Variants in AGAP1 observed in about 807,000 individuals in gnomAD.
The protein encoded by AGAP1 is ArfGAP with GTPase domain, ankyrin repeat and PH domain 1, also known as arf-GAP with GTPase, ANK repeat and PH domain-containing protein 1.
Under a neutral mutation model 105.3 loss-of-function variants are expected in AGAP1, and 29 were observed. The ratio of observed to expected loss-of-function variants is 0.28; its 90% CI spans 0.21 to 0.38. AGAP1 has a LOEUF of 0.38. AGAP1 is among the 10% of genes least tolerant of loss of function. AGAP1 has a pLI of 1.00. For missense variants in AGAP1, 998 were observed against 1,165.1 expected (o/e 0.86, Z 2.09); for synonymous variants, 509 against 485.9 (o/e 1.05, Z -0.63).
At position 236,001,206 on chromosome 2, in the gene AGAP1, G is replaced by C. The variant is rs2056106360; in HGVS notation, c.1645+32583G>C. Among the ~76,000 whole-genome samples the C allele has an allele frequency of 1.3e-5, 2 of 152,212 alleles. No individual in the cohort carries two copies. The stretch of plus-strand genomic sequence containing the variant: ...AATGCTGAGATAAACGCCACCATCA[G>C]AAACCAAGAGAAAGGAAAGGGACAG... On this transcript the variant is annotated intron_variant, in intron 13 of 17. Transcript: ENST00000304032. This position sits in a 1 kb window ranked among gnomAD's most constrained non-coding sequence, Gnocchi z 4.7.
rs1415454621 is a variant in AGAP1, at chr2:235,621,871, G to A, written c.164-87308G>A. ...TCTGCAGTTGGGTAGGAGTGGAGGA[G>A]GGGTGCGATCGGAAGGGAGTGCCGC... On this transcript the variant is annotated intron_variant, in intron 1 of 17. Coordinates refer to ENST00000304032, the MANE Select transcript of AGAP1 (RefSeq NM_001037131.3). This position sits in a 1 kb window ranked among gnomAD's most constrained non-coding sequence, Gnocchi z 4.1. Among the ~76,000 whole-genome samples the A allele has an allele frequency of 6.6e-6, 1 of 151,426 alleles. No individual in the cohort carries two copies. Among genetic ancestry groups the A allele is most frequent in the Non-Finnish European group, 1.5e-5 (1 of 67,876 alleles).
intron 1 of AGAP1, among the ~76,000 whole-genome samples, chr2:235,686,624 T>TATATATATATATATATATATAGATAG: frequency 3.0e-5 from 1 of 33,324 alleles, no homozygotes; most frequent in Non-Finnish European, 5.9e-5. Flanking sequence ...GATATAGATA[T>TATATATATATATATATATATAGATAG]ATATATATAT....
intron 1 of AGAP1, among the ~76,000 whole-genome samples, chr2:235,661,129 T>C (rs921506828): frequency 1.2e-4 from 18 of 151,998 alleles, no homozygotes; most frequent in Non-Finnish European, 2.5e-4. Flanking sequence ...AGGACGTGTG[T>C]GCTGTGGGAA....
rs931381307 is a variant in AGAP1, at chr2:235,556,378, G to A, written c.163+61529G>A. On this transcript the variant is annotated intron_variant, in intron 1 of 17. Coordinates refer to ENST00000304032, the MANE Select transcript of AGAP1 (RefSeq NM_001037131.3). The surrounding 1 kb of genome is among the most constrained non-coding windows in gnomAD (Gnocchi z 5.3). ...TCCAGTGGCTACAGAAGAGAGAGGA[G>A]GGACACTGACCCCAAGGCCCAGGCC... is the stretch of plus-strand genomic sequence containing the variant. Among the ~76,000 whole-genome samples the A allele has an allele frequency of 1.3e-5, 2 of 152,250 alleles. No individual in the cohort carries two copies. Among genetic ancestry groups the A allele is most frequent in the Non-Finnish European group, 2.9e-5 (2 of 68,052 alleles).
rs968712369 is a variant in AGAP1 at position 235,979,779 on chromosome 2, C to T, written c.1645+11156C>T. ...ATTGTATCAGAGTTCATGAAAAGTGCCTACTGCACACAGTTTAATTCTATT... is the reference window on the plus strand; with the variant it reads ...ATTGTATCAGAGTTCATGAAAAGTGTCTACTGCACACAGTTTAATTCTATT... On this transcript the variant is annotated intron_variant, in intron 13 of 17. Coordinates refer to ENST00000304032, the MANE Select transcript of AGAP1 (RefSeq NM_001037131.3). This position sits in a 1 kb window ranked among gnomAD's most constrained non-coding sequence, Gnocchi z 4.5. Among the ~76,000 whole-genome samples the T allele has an allele frequency of 6.6e-6, 1 of 152,140 alleles. No individual in the cohort carries two copies. Among genetic ancestry groups the T allele is most frequent in the Non-Finnish European group, 1.5e-5 (1 of 68,030 alleles).
At chr2:235,807,463 A>C in intron 9 of AGAP1, 132 bp downstream of exon 9, 1 of 705,726 alleles carries the variant, frequency 1.4e-6, no homozygotes, top group East Asian at 3.1e-5. Flanking sequence ...CTCTCACTTG[A>C]CATCAATTAG....
chr2:235,535,147 GCAGCCCAGGT>G lies in AGAP1; in HGVS notation c.163+40304_163+40313del, dbSNP rs1303365439. Among the ~76,000 whole-genome samples, 1 of 152,130 alleles carries G rather than the reference GCAGCCCAGGT, an allele frequency of 6.6e-6. No homozygotes were observed. The highest frequency in any genetic ancestry group is 2.4e-5 in the African/African-American group (1 of 41,418). On this transcript the variant is annotated intron_variant, in intron 1 of 17. Coordinates refer to ENST00000304032, the MANE Select transcript of AGAP1 (RefSeq NM_001037131.3). The surrounding 1 kb of genome is among the most constrained non-coding windows in gnomAD (Gnocchi z 5.1). ...ACTTATCCGCAGGGGTGTGTGCCAG[GCAGCCCAGGT>G]CAGCCTCCCTCCACCGGGCCACCCG...
chr2:235,536,783 G>A (rs1943253305), intron 1 of AGAP1, among the ~76,000 whole-genome samples: 1 of 152,204 alleles, frequency 6.6e-6, no homozygotes, highest in Non-Finnish European at 1.5e-5. Flanking sequence ...GAGAGAGAGG[G>A]AGCATTCACT....
At position 236,089,189 on chromosome 2, in the gene AGAP1, C is replaced by A. The variant is rs1266993144; in HGVS notation, c.2115-31003C>A. Among the ~76,000 whole-genome samples the A allele has an allele frequency of 6.6e-6, 1 of 152,184 alleles. No individual in the cohort carries two copies. The highest frequency in any genetic ancestry group is 1.9e-4 in the East Asian group (1 of 5,192). On this transcript the variant is annotated intron_variant, in intron 16 of 17. Coordinates refer to ENST00000304032, the MANE Select transcript of AGAP1 (RefSeq NM_001037131.3). This position sits in a 1 kb window ranked among gnomAD's most constrained non-coding sequence, Gnocchi z 5.6. The stretch of plus-strand genomic sequence containing the variant: ...TTGTACATTTCTGCATGGATGAGGT[C>A]TTTTCAAAGCACATACAGTTGTGTG...
intron 1 of AGAP1, among the ~76,000 whole-genome samples, chr2:235,594,952 C>T (rs1945475993): frequency 7.1e-6 from 1 of 141,154 alleles, no homozygotes; most frequent in Non-Finnish European, 1.5e-5. Context: ...GTTTCATCTG[C>T]TGCTATCTAG....
chr2:235,626,513 A>G (rs1412738694), intron 1 of AGAP1, among the ~76,000 whole-genome samples: 1 of 151,960 alleles, frequency 6.6e-6, no homozygotes, highest in Non-Finnish European at 1.5e-5. Context: ...ACATATGTCT[A>G]TAGCAGTCTG....
At chr2:235,495,094 T>C (rs1452226433) in intron 1 of AGAP1, among the ~76,000 whole-genome samples, 1 of 152,076 alleles carries the variant, frequency 6.6e-6, no homozygotes, top group African/African-American at 2.4e-5. Flanking sequence ...CAATAGAGTC[T>C]CTCCTGCGGG....
chr2:235,726,923 C>G (rs1951676284), intron 3 of AGAP1, among the ~76,000 whole-genome samples: 1 of 152,108 alleles, frequency 6.6e-6, no homozygotes, highest in South Asian at 2.1e-4. Context: ...CTTGAGGAGC[C>G]CTCTCCCCCA....
Position 235,586,359 on chromosome 2 carries a change from G to A in AGAP1, c.163+91510G>A, listed in dbSNP as rs762885241. ...TGGGCACACTGCTACAACCCCCTGGGTGTGTGTGGAGTTGGGAAAGAGACG... is the reference window on the plus strand; with the variant it reads ...TGGGCACACTGCTACAACCCCCTGGATGTGTGTGGAGTTGGGAAAGAGACG... On this transcript the variant is annotated intron_variant, in intron 1 of 17. Coordinates refer to ENST00000304032, the MANE Select transcript of AGAP1 (RefSeq NM_001037131.3). This position sits in a 1 kb window ranked among gnomAD's most constrained non-coding sequence, Gnocchi z 4.2. Among the ~76,000 whole-genome samples, 9 of 152,326 alleles carry A rather than the reference G, an allele frequency of 5.9e-5. No homozygotes were observed. The highest frequency in any genetic ancestry group is 1.0e-4 in the Non-Finnish European group (7 of 68,030).
chr2:236,042,392 GTTC>G lies in AGAP1; in HGVS notation c.1891+1557_1891+1559del, dbSNP rs1559219054. ...GGGGTTCTTCTCCAGGTATCTTGAGGTTCTTCTTTAAAGTACCTCCTTATGTTT... is the reference window on the plus strand; with the variant it reads ...GGGGTTCTTCTCCAGGTATCTTGAGGTTCTTTAAAGTACCTCCTTATGTTT... On this transcript the variant is annotated intron_variant, in intron 15 of 17. Coordinates refer to ENST00000304032, the MANE Select transcript of AGAP1 (RefSeq NM_001037131.3). The surrounding 1 kb of genome is among the most constrained non-coding windows in gnomAD (Gnocchi z 5.6). Among the ~76,000 whole-genome samples the G allele has an allele frequency of 6.6e-6, 1 of 152,172 alleles. No homozygotes were observed. Among genetic ancestry groups the G allele is most frequent in the East Asian group, 1.9e-4 (1 of 5,188 alleles).
Position 236,114,958 on chromosome 2 carries a change from C to T in AGAP1, c.2115-5234C>T, listed in dbSNP as rs981938387. Among the ~76,000 whole-genome samples the T allele has an allele frequency of 6.6e-6, 1 of 152,190 alleles. No homozygotes were observed. Among genetic ancestry groups the T allele is most frequent in the African/African-American group, 2.4e-5 (1 of 41,452 alleles). ...CCTTCTTACCCCAGAGTCTCAGGAT[C>T]CTCTGCACCCTCGGGGGAGCTCACA... On this transcript the variant is annotated intron_variant, in intron 16 of 17. Coordinates refer to ENST00000304032, the MANE Select transcript of AGAP1 (RefSeq NM_001037131.3). The surrounding 1 kb of genome is among the most constrained non-coding windows in gnomAD (Gnocchi z 5.0).
rs1435495787 is a variant in AGAP1, at chr2:235,824,724, A to G, written c.1050+17393A>G. On this transcript the variant is annotated intron_variant, in intron 9 of 17. Transcript: ENST00000304032. The surrounding 1 kb of genome is among the most constrained non-coding windows in gnomAD (Gnocchi z 5.2). ...AAAATATATTCCACATGTAGATGAG[A>G]TGTGCCCTTATATGAGACGGCCTGC... Among the ~76,000 whole-genome samples, 4 of 152,170 alleles carry G rather than the reference A, an allele frequency of 2.6e-5. No homozygotes were observed. The highest frequency in any genetic ancestry group is 5.9e-5 in the Non-Finnish European group (4 of 68,036).
In AGAP1 at chr2:236,044,463, TG is replaced by T. The variant is rs1339913914; in HGVS notation, c.1891+3624del. 4.6e-5 allele frequency among the ~76,000 whole-genome samples: 7 copies of T among 152,260 alleles called. No individual in the cohort carries two copies. In the East Asian group the frequency reaches 1.4e-3, roughly 29 times the overall value. The stretch of plus-strand genomic sequence containing the variant: ...CCCATCCATGTCGCCCATGAAGCCC[TG>T]GTTGGAGCTGACCGTGCGCTGGTCC... On this transcript the variant is annotated intron_variant, in intron 15 of 17. Transcript: ENST00000304032. This position sits in a 1 kb window ranked among gnomAD's most constrained non-coding sequence, Gnocchi z 5.7.
intron 1 of AGAP1, among the ~76,000 whole-genome samples, chr2:235,525,354 G>A (rs543381279): frequency 2.7e-5 from 4 of 150,542 alleles, no homozygotes; most frequent in Admixed American, 6.6e-5. Context: ...GTGGAGGACT[G>A]ATACATAATG....
Sources: allele counts gnomAD v4.1 joint callset (sites outside exome capture counted in the v4.1 genomes callset), GRCh38; gene constraint gnomAD v4.1.1; non-coding constraint Gnocchi (gnomAD v3.1); transcripts MANE v1.5; gene names NCBI Gene and HGNC (gene_info 2026-07-23, HGNC 2026-07-21).